Variants in SMIM10L3 observed in about 807,000 individuals in gnomAD.
SMIM10L3 encodes salivary gland specific protein SAGSIN1.
At chr7:6,342,236 C>G in the SMIM10L3 span, among the ~76,000 whole-genome samples, 3 of 151,610 alleles carry the variant, frequency 2.0e-5, no homozygotes, top group Non-Finnish European at 4.4e-5. Flanking sequence ...CTCTCTCTCT[C>G]TTTCTGTCTT....
chr7:6,344,299 G>A, the SMIM10L3 span, among the ~76,000 whole-genome samples: 1 of 152,118 alleles, frequency 6.6e-6, no homozygotes, highest in Non-Finnish European at 1.5e-5. Flanking sequence ...TCTAAAACCT[G>A]CAGGGGAGTT....
At chr7:6,332,042 G>A in the SMIM10L3 span, among the ~76,000 whole-genome samples, 12 of 151,528 alleles carry the variant, frequency 7.9e-5, no homozygotes, top group South Asian at 2.1e-4. Flanking sequence ...AACCCAGGAG[G>A]TGGAAGTAGC....
the SMIM10L3 span, among the ~76,000 whole-genome samples, chr7:6,333,301 T>C: frequency 5.3e-5 from 8 of 152,146 alleles, no homozygotes; most frequent in South Asian, 2.1e-4. Flanking sequence ...GAGCCGGTGA[T>C]TGGAGCCAGC....
chr7:6,333,277 G>A, the SMIM10L3 span, among the ~76,000 whole-genome samples: 1 of 152,074 alleles, frequency 6.6e-6, no homozygotes, highest in Non-Finnish European at 1.5e-5. Flanking sequence ...AGAGACCTCG[G>A]GCCATGTCAC....
chr7:6,334,184 T>G, the SMIM10L3 span, among the ~76,000 whole-genome samples: 1 of 151,268 alleles, frequency 6.6e-6, no homozygotes, highest in Non-Finnish European at 1.5e-5. Context: ...CACATCAGCC[T>G]CCTGAGTAGC....
the SMIM10L3 span, among the ~76,000 whole-genome samples, chr7:6,344,457 C>T: frequency 6.6e-6 from 1 of 152,070 alleles, no homozygotes; most frequent in Non-Finnish European, 1.5e-5. Flanking sequence ...GGGTCTTGCT[C>T]TGTTGCCCAG....
chr7:6,348,945 G>A, the SMIM10L3 span: 20 of 379,964 alleles, frequency 5.3e-5, no homozygotes, highest in Non-Finnish European at 8.8e-5. Flanking sequence ...GCAGCCGCCT[G>A]TACCAGCCTG....
the SMIM10L3 span, among the ~76,000 whole-genome samples, chr7:6,339,597 C>G: frequency 7.2e-5 from 11 of 151,888 alleles, no homozygotes; most frequent in Non-Finnish European, 1.3e-4. Context: ...CATTCCGCTG[C>G]CTCAGCCTCC....
At chr7:6,330,969 T>C in the SMIM10L3 span, 1 of 1,614,242 alleles carries the variant, frequency 6.2e-7, no homozygotes, top group Non-Finnish European at 8.5e-7. Context: ...TCATTTCCAG[T>C]GATAATGCCT....
the SMIM10L3 span, chr7:6,348,930 CG>C: frequency 1.0e-5 from 4 of 382,894 alleles, no homozygotes; most frequent in East Asian, 1.5e-4. Flanking sequence ...GAAGTGCCTC[CG>C]CGAGCAGCCG....
the SMIM10L3 span, among the ~76,000 whole-genome samples, chr7:6,333,591 T>C: frequency 1.3e-5 from 2 of 151,642 alleles, no homozygotes; most frequent in African/African-American, 2.4e-5. Context: ...CTGTAACTTC[T>C]GGGCTCAAGC....
At chr7:6,339,369 G>T in the SMIM10L3 span, among the ~76,000 whole-genome samples, 13 of 152,250 alleles carry the variant, frequency 8.5e-5, no homozygotes, top group East Asian at 2.5e-3. Flanking sequence ...TCAGGAGGTC[G>T]AGGTGGGAGG....
chr7:6,347,002 C>A, the SMIM10L3 span, among the ~76,000 whole-genome samples: 1 of 152,146 alleles, frequency 6.6e-6, no homozygotes, highest in African/African-American at 2.4e-5. Context: ...AGAAAGAATT[C>A]TCGAGTTGAC....
chr7:6,334,345 G>A, the SMIM10L3 span, among the ~76,000 whole-genome samples: 1 of 151,382 alleles, frequency 6.6e-6, no homozygotes, highest in Non-Finnish European at 1.5e-5. Flanking sequence ...AGACCAGCCT[G>A]AACAACATGG....
chr7:6,331,448 C>T, the SMIM10L3 span, among the ~76,000 whole-genome samples: 1 of 152,310 alleles, frequency 6.6e-6, no homozygotes, highest in South Asian at 2.1e-4. Flanking sequence ...CAGGTGTGAG[C>T]CACCATGCCC....
the SMIM10L3 span, among the ~76,000 whole-genome samples, chr7:6,338,949 C>T: frequency 6.6e-6 from 1 of 152,286 alleles, no homozygotes; most frequent in South Asian, 2.1e-4. Context: ...CCAGATGGGC[C>T]AGCTCCACAC....
chr7:6,331,209 G>C, the SMIM10L3 span: 2 of 1,539,718 alleles, frequency 1.3e-6, no homozygotes, highest in East Asian at 4.5e-5. Context: ...CAGTCTGGGA[G>C]GGCCTTCAAT....
chr7:6,341,314 G>A, the SMIM10L3 span, among the ~76,000 whole-genome samples: 2 of 151,292 alleles, frequency 1.3e-5, no homozygotes, highest in East Asian at 1.9e-4. Flanking sequence ...CTGGTGGCGG[G>A]CGCCTGTAGT....
chr7:6,333,266 A>G, the SMIM10L3 span, among the ~76,000 whole-genome samples: 2 of 152,072 alleles, frequency 1.3e-5, no homozygotes, highest in Admixed American at 6.6e-5. Context: ...AGTTTAGAGA[A>G]AGAGACCTCG....
Sources: gnomAD v4.1 joint callset for allele counts (sites outside exome capture counted in the v4.1 genomes callset) on GRCh38, gnomAD v4.1.1 for gene constraint, MANE v1.5 for transcripts, NCBI Gene and HGNC (gene_info 2026-07-23, HGNC 2026-07-21) for gene names.